DCTN1: variants seen among roughly 807,000 people sequenced by gnomAD.
DCTN1 encodes the protein dynactin subunit 1, also known as 150 kDa dynein-associated polypeptide.
DCTN1 carries 61 observed loss-of-function variants against 161.2 expected under a neutral mutation model. The ratio of observed to expected loss-of-function variants is 0.38; its 90% CI spans 0.31 to 0.47. The LOEUF (loss-of-function observed/expected upper bound fraction) is 0.47. Among genes scored for constraint, DCTN1 ranks in the 20% least tolerant of loss-of-function variants. DCTN1 has a pLI of 0.99. For synonymous variants in DCTN1, 653 were observed against 632.4 expected, an observed-to-expected ratio of 1.03 and a Z score of -0.49; for missense variants, 1,404 against 1,623.7, an observed-to-expected ratio of 0.86 and a Z score of 2.33.
In DCTN1 at chr2:74,362,695, T is replaced by C. The variant is rs1674099395; in HGVS notation, c.3564A>G (p.Gln1188=). The part of the protein sequence containing the change: ...AKSPSAQLME[Q]VAQLKSLSDT... ...CACTCAGGGACTTAAGCTGAGCCAC[T>C]TGCTCCATAAGTTGGGCCGACGGGC... The change falls in exon 30 of 32, where the codon CAA becomes CAG. Residue 1188 remains glutamine, a synonymous_variant. Transcript: ENST00000628224. The C allele has an allele frequency of 1.7e-5, 28 of 1,614,010 alleles. No individual in the cohort carries two copies. Among genetic ancestry groups the C allele is most frequent in the Non-Finnish European group, 2.3e-5 (27 of 1,179,982 alleles).
Position 74,362,653 on chromosome 2 carries a change from G to C in DCTN1, c.3606C>G (p.Leu1202=). 6.2e-7 allele frequency: 1 copy of C among 1,613,654 alleles called. No individual in the cohort carries two copies. The highest frequency in any genetic ancestry group is 8.5e-7 in the Non-Finnish European group (1 of 1,179,892). ...CTGCCTGGCAAACTGAGCTGACCTT[G>C]AGCTTCTCGACGGTGTCACTCAGGG... ...LKSLSDTVEK[L]KDEVLKETVS... The change falls in exon 30 of 32, where the codon CTC becomes CTG. Residue 1202 remains leucine, a synonymous_variant. Transcript: ENST00000628224.
intron 5 of DCTN1, among the ~76,000 whole-genome samples, chr2:74,375,088 A>G (rs911588184): frequency 6.6e-6 from 1 of 151,016 alleles, no homozygotes; most frequent in Non-Finnish European, 1.5e-5. Context: ...CTCATCTGGC[A>G]CACACATCTA....
chr2:74,368,282 T>C lies in DCTN1; in HGVS notation c.1855-151A>G, dbSNP rs1286666455. 11 of 1,038,748 alleles carry C rather than the reference T, an allele frequency of 1.1e-5. No homozygotes were observed. The East Asian group carries it at 2.9e-4, about 27-fold the overall frequency. 64.3% of individuals were successfully genotyped at this position (1,038,748 alleles called of 1,614,324 possible). ...TAGCTCTTACCTGGGTGGGGAATCTTGCATGGGGAAAGGGTAGTGATGTGA... is the reference window on the plus strand; with the variant it reads ...TAGCTCTTACCTGGGTGGGGAATCTCGCATGGGGAAAGGGTAGTGATGTGA... On this transcript the variant is annotated intron_variant, in intron 16 of 31. Coordinates refer to ENST00000628224, the MANE Select transcript of DCTN1 (RefSeq NM_004082.5).
chr2:74,362,116 G>T lies in DCTN1; in HGVS notation c.3635C>A (p.Ser1212Tyr), dbSNP rs1401979560. The T allele has an allele frequency of 6.2e-7, 1 of 1,613,882 alleles. No individual in the cohort carries two copies. Among genetic ancestry groups the T allele is most frequent in the South Asian group, 1.1e-5 (1 of 91,078 alleles). ...GGGTACTGTGGCTCCAGGGCGCTGA[G>T]ATACTGTCTCCTTGAGGACCTCATC... Reference protein sequence around the residue: ...LKDEVLKETVSQRPGATVPTD... With the variant: ...LKDEVLKETVYQRPGATVPTD... Residue 1212 changes from serine to tyrosine, a missense_variant, in exon 31 of 32, where the codon TCT becomes TAT. Coordinates refer to ENST00000628224, the MANE Select transcript of DCTN1 (RefSeq NM_004082.5).
At chr2:74,391,694 G>A in intron 1 of DCTN1, 3 of 412,818 alleles carry the variant, frequency 7.3e-6, no homozygotes, top group South Asian at 1.7e-5. Flanking sequence ...GCCAGTCCCC[G>A]CCCCGCACAC....
intron 16 of DCTN1, 194 bp from the exon 17 acceptor site, chr2:74,368,325 G>T (rs951627406): frequency 5.4e-6 from 4 of 735,846 alleles, no homozygotes; most frequent in Non-Finnish European, 6.6e-6. Context: ...AGGTTGTGAG[G>T]AGTCAGGATG....
chr2:74,368,460 C>T, intron 16 of DCTN1: 1 of 621,110 alleles, frequency 1.6e-6, no homozygotes, highest in East Asian at 2.9e-5. Context: ...CCCCTAGGCA[C>T]CTCCTGGCCC....
chr2:74,389,976 C>T (rs1301978124), intron 1 of DCTN1, among the ~76,000 whole-genome samples: 1 of 152,186 alleles, frequency 6.6e-6, no homozygotes, highest in Non-Finnish European at 1.5e-5. Flanking sequence ...TTTGTCCCTA[C>T]ACCCATCTGC....
At position 74,374,466 on chromosome 2, in the gene DCTN1, A is replaced by C. The variant is rs1162035228; in HGVS notation, c.415-126T>G. The C allele has an allele frequency of 3.2e-6, 5 of 1,550,526 alleles. No individual in the cohort carries two copies. In the African/African-American group the frequency reaches 5.5e-5, roughly 17 times the overall value. On this transcript the variant is annotated intron_variant, in intron 5 of 31. Transcript: ENST00000628224. ...GAGGGCAAGAGACCGAACAGAGGGA[A>C]AGGCGGCGGAGACAGGAGATTAGTG...
chr2:74,380,132 A>C lies in DCTN1; in HGVS notation c.-95T>G. The C allele has an allele frequency of 7.3e-7, 1 of 1,371,674 alleles. No homozygotes were observed. The highest frequency in any genetic ancestry group is 1.0e-6 in the Non-Finnish European group (1 of 968,660). The allele number at this position is 1,371,674 out of a possible 1,614,324, so 85.0% of individuals were successfully genotyped here. On this transcript the variant is annotated 5_prime_UTR_variant, in exon 1 of 32. It removes an upstream start codon present in the reference 5' UTR. Transcript: ENST00000628224. ...AGGAGGGTCAGGGCGCTGGGCCCTCATAGAGGGACACAGGAGTCGTCAGGC... is the reference window on the plus strand; with the variant it reads ...AGGAGGGTCAGGGCGCTGGGCCCTCCTAGAGGGACACAGGAGTCGTCAGGC...
chr2:74,377,491 G>A lies in DCTN1; in HGVS notation c.359-25C>T, dbSNP rs1416216941. Reference sequence around the variant, plus strand: ...TCTGTAGAAAGCAAACAGAAACAAAGTGTGTACTTGTATAGAGAGGTAGGG... The same window carrying A: ...TCTGTAGAAAGCAAACAGAAACAAAATGTGTACTTGTATAGAGAGGTAGGG... On this transcript the variant is annotated intron_variant, in intron 3 of 31. Transcript: ENST00000628224. 3 of 1,606,568 alleles carry A rather than the reference G, an allele frequency of 1.9e-6. No individual in the cohort carries two copies. The Admixed American group carries it at 5.0e-5, about 27-fold the overall frequency.
At chr2:74,378,268 GAC>G (rs1370135714) in intron 1 of DCTN1, 23 bp from the exon 2 acceptor site, 8 of 1,601,966 alleles carry the variant, frequency 5.0e-6, no homozygotes, top group Non-Finnish European at 6.8e-6. Flanking sequence ...GGTAAACACA[GAC>G]AGTTAGAGGC....
At chr2:74,368,436 A>G (rs1356812603) in intron 16 of DCTN1, 2 of 609,068 alleles carry the variant, frequency 3.3e-6, no homozygotes, top group Non-Finnish European at 5.7e-6. Context: ...CCTGCCCATC[A>G]TCCCCAAGGT....
chr2:74,370,166 A>C lies in DCTN1; in HGVS notation c.1287+20T>G. 1 of 1,613,672 alleles carries C rather than the reference A, an allele frequency of 6.2e-7. No individual in the cohort carries two copies. The highest frequency in any genetic ancestry group is 1.1e-5 in the South Asian group (1 of 91,088). The stretch of plus-strand genomic sequence containing the variant: ...AGAGTCAGGTGGGGGATTCTGGGTG[A>C]GGGGCTGGGCTCCCCAGACCTGCTC... On this transcript the variant is annotated intron_variant, in intron 12 of 31. Transcript: ENST00000628224. The surrounding 1 kb of genome is among the most constrained non-coding windows in gnomAD (Gnocchi z 4.4).
At chr2:74,364,987 G>C (rs1373338418) in intron 26 of DCTN1, 88 bp downstream of exon 26, 18 of 1,558,936 alleles carry the variant, frequency 1.2e-5, no homozygotes, top group East Asian at 2.2e-5. Context: ...CGGGGGTAAG[G>C]GGGGTGGGGC....
rs1470101332 is a variant in DCTN1, at chr2:74,365,099, T to C, written c.3172A>G (p.Thr1058Ala). Residue 1058 changes from threonine to alanine, a missense_variant, in exon 26 of 32, where the codon ACT becomes GCT. Transcript: ENST00000628224. ...CCACCAGCAATGCCAGAGACCAGAGTAGCAATGCCTGAAGGAGGAGGGCCC... is the reference window on the plus strand; with the variant it reads ...CCACCAGCAATGCCAGAGACCAGAGCAGCAATGCCTGAAGGAGGAGGGCCC... ...LRGPPPSGIA[T>A]LVSGIAGEEQ... 3 of 1,613,950 alleles carry C rather than the reference T, an allele frequency of 1.9e-6. No individual in the cohort carries two copies. The highest frequency in any genetic ancestry group is 2.5e-6 in the Non-Finnish European group (3 of 1,179,970).
Position 74,361,518 on chromosome 2 carries a change from T to C in DCTN1, c.3818A>G (p.His1273Arg). The change falls in exon 32 of 32, where the codon CAC becomes CGC. Residue 1273 changes from histidine to arginine, a missense_variant. Around this residue, in one of 9 missense-constraint regions of DCTN1, gnomAD observed 311 missense variants for 298.9 expected, o/e 1.04. Coordinates refer to ENST00000628224, the MANE Select transcript of DCTN1 (RefSeq NM_004082.5). ...GAGTGCTTAGGAGATGAGGCGACTG[T>C]GAAGCTGGTGCAGCTGCTCCTGGGT... ...VLTQEQLHQL[H>R]SRLIS is the part of the protein sequence containing the mutation. 6.2e-7 allele frequency: 1 copy of C among 1,614,058 alleles called. No homozygotes were observed. The highest frequency in any genetic ancestry group is 1.3e-5 in the African/African-American group (1 of 74,996).
chr2:74,365,553 C>A lies in DCTN1; in HGVS notation c.2991G>T (p.Arg997=). The A allele has an allele frequency of 6.2e-7, 1 of 1,614,130 alleles. No homozygotes were observed. The highest frequency in any genetic ancestry group is 8.5e-7 in the Non-Finnish European group (1 of 1,180,024). ...ADERIEKVQT[R]LEETQALLRK... ...GCAGCAGTGCCTGGGTCTCCTCCAG[C>A]CGAGTCTGGACTTTCTCGATGCGCT... Residue 997 remains arginine, a synonymous_variant, in exon 25 of 32, where the codon CGG becomes CGT. Transcript: ENST00000628224.
In DCTN1 at chr2:74,365,671, G is replaced by C. The variant is rs539528229; in HGVS notation, c.2887-14C>G. On this transcript the variant is annotated splice_polypyrimidine_tract_variant and intron_variant, in intron 24 of 31. Transcript: ENST00000628224. ...TAGCTCCTCTCCCTGGACAAGGACA[G>C]AACTTCTAGATCCCTGACATCCTCC... 1.9e-5 allele frequency: 30 copies of C among 1,614,078 alleles called. No individual in the cohort carries two copies. In the African/African-American group the frequency reaches 3.6e-4, roughly 19 times the overall value.
Sources: allele counts gnomAD v4.1 joint callset (sites outside exome capture counted in the v4.1 genomes callset), GRCh38; gene constraint gnomAD v4.1.1; regional missense constraint gnomAD v4.1.1; non-coding constraint Gnocchi (gnomAD v3.1); transcripts MANE v1.5; gene names NCBI Gene and HGNC (gene_info 2026-07-23, HGNC 2026-07-21).